The following PTCH1 variants were observed in gnomAD, a reference collection of about 807,000 sequenced individuals.
PTCH1 encodes patched 1.
PTCH1 carries 14 observed loss-of-function variants against 144.6 expected under a neutral mutation model. That is an observed-to-expected ratio of 0.10 (90% confidence interval 0.06 to 0.15). The LOEUF (loss-of-function observed/expected upper bound fraction) is 0.15, where lower values mean the gene tolerates loss of function less well. Ranked by LOEUF, PTCH1 falls within the 10% of genes least tolerant of loss-of-function variation. PTCH1 has a pLI of 1.00. For synonymous variants in PTCH1, 833 were observed against 793.6 expected (o/e 1.05, Z -0.83); for missense variants, 1,623 against 1,948.3 (o/e 0.83, Z 3.14).
At position 95,463,784 on chromosome 9, in the gene PTCH1, G is replaced by A. The variant is rs867452; in HGVS notation, c.2561-1786C>T. On this transcript the variant is annotated intron_variant, in intron 15 of 23. Transcript: ENST00000331920. ...AGTCTTGGAAAGGGGAGACTGGAGG[G>A]GGCCACCCAGCAGGTGAGTGTTGGA... 0.12 allele frequency among the ~76,000 whole-genome samples: 18,227 copies of A among 152,104 alleles called. 1,207 individuals carry two copies. The highest frequency in any genetic ancestry group is 0.17 in the African/African-American group (6,943 of 41,462).
chr9:95,477,214 G>C (rs889546912), intron 10 of PTCH1, among the ~76,000 whole-genome samples: 4 of 152,218 alleles, frequency 2.6e-5, no homozygotes. Flanking sequence ...GAAACTCTGG[G>C]GGTGGGGCCT....
intron 2 of PTCH1, among the ~76,000 whole-genome samples, chr9:95,501,450 T>G (rs1157802116): frequency 6.6e-6 from 1 of 151,800 alleles, no homozygotes; most frequent in East Asian, 1.9e-4. Flanking sequence ...TCAAGAACAC[T>G]GAAAGCATTA....
At chr9:95,462,245 T>A (rs915217915) in intron 15 of PTCH1, among the ~76,000 whole-genome samples, 1 of 152,188 alleles carries the variant, frequency 6.6e-6, no homozygotes, top group Non-Finnish European at 1.5e-5. Flanking sequence ...CAAATACTCA[T>A]ATTTTATCTT....
chr9:95,453,101 G>A (rs960624772), intron 20 of PTCH1: 30 of 342,400 alleles, frequency 8.8e-5, no homozygotes, highest in African/African-American at 6.2e-4. Flanking sequence ...AGATACAGAA[G>A]GAAATAAGCA....
intron 19 of PTCH1, among the ~76,000 whole-genome samples, chr9:95,455,884 C>G (rs757973758): frequency 6.6e-6 from 1 of 152,182 alleles, no homozygotes; most frequent in Non-Finnish European, 1.5e-5. Context: ...CCCACTGTTC[C>G]TGTTGTTTTT....
chr9:95,482,258 G>A (rs1159764437), intron 3 of PTCH1, 55 bp from the exon 4 acceptor site: 31 of 1,502,322 alleles, frequency 2.1e-5, no homozygotes, highest in African/African-American at 2.8e-5. Context: ...GAAAATTAGT[G>A]CAAATTCGAA....
rs745952999 is a variant in PTCH1, at chr9:95,479,164, G to A, written c.1068-17C>T. On this transcript the variant is annotated splice_polypyrimidine_tract_variant and intron_variant, in intron 7 of 23. Coordinates refer to ENST00000331920, the MANE Select transcript of PTCH1 (RefSeq NM_000264.5). ...GCATGGGCGCTGCAGCACAGTCCAA[G>A]GGAAGGCACATCATCAGTATTCCCA... is the stretch of plus-strand genomic sequence containing the variant. 2.5e-6 allele frequency: 4 copies of A among 1,614,054 alleles called. No individual in the cohort carries two copies. The highest frequency in any genetic ancestry group is 1.7e-5 in the Admixed American group (1 of 60,026).
chr9:95,501,353 ATGT>A (rs1843138193), intron 2 of PTCH1, among the ~76,000 whole-genome samples: 1 of 152,074 alleles, frequency 6.6e-6, no homozygotes, highest in Non-Finnish European at 1.5e-5. Context: ...TCCAGCCCCA[ATGT>A]CAATAGTCCT....
In PTCH1 at chr9:95,446,341, G is replaced by A. The variant is rs770813599; in HGVS notation, c.*52C>T. Reference sequence around the variant, plus strand: ...CTTCAAGCAGTTCTGGAAAGAGGTGGGGGTGGGGGGTTTCCAATCTTTGGC... The same window carrying A: ...CTTCAAGCAGTTCTGGAAAGAGGTGAGGGTGGGGGGTTTCCAATCTTTGGC... On this transcript the variant is annotated 3_prime_UTR_variant, in exon 24 of 24. Coordinates refer to ENST00000331920, the MANE Select transcript of PTCH1 (RefSeq NM_000264.5). 7.7e-6 allele frequency: 4 copies of A among 517,708 alleles called. No homozygotes were observed. Among genetic ancestry groups the A allele is most frequent in the Admixed American group, 3.9e-5 (2 of 51,462 alleles). The allele number at this position is 517,708 out of a possible 1,614,324, so 32.1% of individuals were successfully genotyped here.
intron 19 of PTCH1, 45 bp from the exon 20 acceptor site, chr9:95,453,665 C>T (rs774054182): frequency 6.8e-6 from 11 of 1,609,364 alleles, no homozygotes; most frequent in African/African-American, 4.0e-5. Context: ...TGGACTTCAC[C>T]TGGTAAATGC....
intron 12 of PTCH1, among the ~76,000 whole-genome samples, chr9:95,474,666 A>G (rs1840878469): frequency 6.6e-6 from 1 of 152,226 alleles, no homozygotes. Context: ...CAAACCCAGT[A>G]GGATCAGTAG....
chr9:95,472,063 T>C (rs1840634520), intron 12 of PTCH1, among the ~76,000 whole-genome samples: 1 of 151,776 alleles, frequency 6.6e-6, no homozygotes. Context: ...AAGAGATCAG[T>C]CAGGAGCAGG....
At chr9:95,487,820 T>C (rs1842088494) in intron 2 of PTCH1, among the ~76,000 whole-genome samples, 1 of 152,198 alleles carries the variant, frequency 6.6e-6, no homozygotes, top group East Asian at 1.9e-4. Flanking sequence ...TACTGAAGCT[T>C]AACATATCAG....
chr9:95,450,107 G>C (rs1422907781), intron 20 of PTCH1, 167 bp from the exon 21 acceptor site: 6 of 696,790 alleles, frequency 8.6e-6, no homozygotes, highest in South Asian at 1.6e-5. Flanking sequence ...GTGAGTTTTT[G>C]CTTTTTGTTT....
chr9:95,498,526 C>T (rs977059478), intron 2 of PTCH1, among the ~76,000 whole-genome samples: 1 of 152,144 alleles, frequency 6.6e-6, no homozygotes, highest in African/African-American at 2.4e-5. Context: ...AAGGATGGGG[C>T]GCATCTTCCT....
upstream of PTCH1, among the ~76,000 whole-genome samples, chr9:95,512,086 C>T (rs532075034): frequency 6.6e-6 from 1 of 152,326 alleles, no homozygotes; most frequent in South Asian, 2.1e-4. Flanking sequence ...AATGGATCCG[C>T]CTCACTCTCC....
chr9:95,453,350 T>G (rs989001121), intron 20 of PTCH1, 128 bp downstream of exon 20: 2 of 1,410,996 alleles, frequency 1.4e-6, no homozygotes, highest in African/African-American at 1.4e-5. Context: ...AGGCTGGTCT[T>G]GAACTCCTTG....
chr9:95,514,573 G>A (rs993239062), intron 1 of PTCH1: 2 of 151,930 alleles, frequency 1.3e-5, no homozygotes, highest in African/African-American at 4.8e-5. Flanking sequence ...ACGCCTACAC[G>A]TCTCAATAGG....
chr9:95,492,688 A>G (rs776111935), intron 2 of PTCH1, among the ~76,000 whole-genome samples: 2 of 151,932 alleles, frequency 1.3e-5, no homozygotes, highest in Admixed American at 6.6e-5. Context: ...AACATTTTGT[A>G]TAAGGGATAC....
Sources: gnomAD v4.1 joint callset for allele counts (sites outside exome capture counted in the v4.1 genomes callset) on GRCh38, gnomAD v4.1.1 for gene constraint, MANE v1.5 for transcripts, NCBI Gene and HGNC (gene_info 2026-07-23, HGNC 2026-07-21) for gene names.